ADCY2: variants seen among roughly 807,000 people sequenced by gnomAD.
ADCY2 encodes the protein adenylate cyclase 2.
In ADCY2, 31 loss-of-function variants were observed where a neutral mutation model predicts 125.2. That is an observed-to-expected ratio of 0.25 (90% confidence interval 0.19 to 0.33). ADCY2 has a LOEUF of 0.33. Among genes scored for constraint, ADCY2 ranks in the 10% least tolerant of loss-of-function variants. ADCY2 has a pLI of 1.00. For missense variants in ADCY2, 904 were observed against 1,418.2 expected (o/e 0.64, Z 5.82); for synonymous variants, 512 against 548.4 (o/e 0.93, Z 0.93).
chr5:7,624,602 T>C (rs1738063274), intron 3 of ADCY2, among the ~76,000 whole-genome samples: 3 of 152,132 alleles, frequency 2.0e-5, no homozygotes, highest in Admixed American at 1.3e-4. Context: ...CCTGCTCTCC[T>C]TGGGAGGACT....
rs997204818 is a variant in ADCY2, at chr5:7,815,053, T to G, written c.2884-1813T>G. Among the ~76,000 whole-genome samples the G allele has an allele frequency of 5.3e-5, 8 of 152,182 alleles. No individual in the cohort carries two copies. The East Asian group carries it at 1.5e-3, about 29-fold the overall frequency. ...CCCTCACCTGCTGTAGTGGGCACAT[T>G]CACGATCCTTCCTGGGTGCGTGCTT... On this transcript the variant is annotated intron_variant, in intron 22 of 24. Coordinates refer to ENST00000338316, the MANE Select transcript of ADCY2 (RefSeq NM_020546.3).
intron 3 of ADCY2, among the ~76,000 whole-genome samples, chr5:7,529,971 ACTGATC>A (rs1468141746): frequency 6.6e-6 from 1 of 152,192 alleles, no homozygotes; most frequent in African/African-American, 2.4e-5. Context: ...CCCTACAGGA[ACTGATC>A]CTGAGGGCAC....
chr5:7,450,866 G>A (rs1741446473), intron 2 of ADCY2, among the ~76,000 whole-genome samples: 1 of 152,152 alleles, frequency 6.6e-6, no homozygotes, highest in African/African-American at 2.4e-5. Flanking sequence ...AAGCCTAGAG[G>A]ACAGTGTATC....
intron 1 of ADCY2, among the ~76,000 whole-genome samples, chr5:7,406,785 A>G (rs1739504527): frequency 6.6e-6 from 1 of 152,312 alleles, no homozygotes; most frequent in East Asian, 1.9e-4. Context: ...TTTGAGGAAC[A>G]CAAATCTCTC....
chr5:7,529,487 C>T (rs567273199), intron 3 of ADCY2, among the ~76,000 whole-genome samples: 2 of 152,126 alleles, frequency 1.3e-5, no homozygotes, highest in Non-Finnish European at 2.9e-5. Flanking sequence ...TGAGAGATCC[C>T]AATGGCCAGA....
chr5:7,442,588 C>T (rs1401299304), intron 2 of ADCY2, among the ~76,000 whole-genome samples: 1 of 152,122 alleles, frequency 6.6e-6, no homozygotes, highest in Non-Finnish European at 1.5e-5. Flanking sequence ...AAACTGATGC[C>T]TCCACTGCTC....
intron 13 of ADCY2, among the ~76,000 whole-genome samples, chr5:7,725,910 T>C (rs144052858): frequency 1.4e-4 from 21 of 152,330 alleles, no homozygotes; most frequent in African/African-American, 5.1e-4. Context: ...CATGTACACA[T>C]ATTTGCAGAT....
rs77095548 is a variant in ADCY2 at position 7,734,366 on chromosome 5, G to A, written c.1871+7105G>A. Among the ~76,000 whole-genome samples, 441 of 152,248 alleles carry A rather than the reference G, an allele frequency of 2.9e-3. 20 individuals are homozygous for A. The East Asian group carries it at 0.077, about 26-fold the overall frequency. On this transcript the variant is annotated intron_variant, in intron 14 of 24. Transcript: ENST00000338316. Reference sequence around the variant, plus strand: ...AAATGTGTTTCTCACCCCTGTCAGGGCCACCTTTAAGCAATTCATTGACTG... The same window carrying A: ...AAATGTGTTTCTCACCCCTGTCAGGACCACCTTTAAGCAATTCATTGACTG...
chr5:7,462,871 C>A (rs1190224344), intron 2 of ADCY2, among the ~76,000 whole-genome samples: 1 of 152,112 alleles, frequency 6.6e-6, no homozygotes, highest in African/African-American at 2.4e-5. Context: ...AGGGTGGATT[C>A]CTTCTGAAAG....
At chr5:7,649,639 A>G (rs1739014233) in intron 4 of ADCY2, among the ~76,000 whole-genome samples, 1 of 152,134 alleles carries the variant, frequency 6.6e-6, no homozygotes, top group Non-Finnish European at 1.5e-5. Context: ...GTTCTCTGCC[A>G]TTTACCCTTA....
At position 7,489,542 on chromosome 5, in the gene ADCY2, T is replaced by TATAA. The variant is rs111730836; in HGVS notation, c.409-31193_409-31192insAATA. Among the ~76,000 whole-genome samples, 151 of 152,280 alleles carry TATAA rather than the reference T, an allele frequency of 9.9e-4. 1 individual carries two copies. Among genetic ancestry groups the TATAA allele is most frequent in the African/African-American group, 3.5e-3 (145 of 41,546 alleles). ...TGAGTCTCACAAGATCTGATAGTTT[T>TATAA]ATAGAGTTCCCCTGCACGAGCTCTC... is the stretch of plus-strand genomic sequence containing the variant. On this transcript the variant is annotated intron_variant, in intron 2 of 24. Coordinates refer to ENST00000338316, the MANE Select transcript of ADCY2 (RefSeq NM_020546.3).
At chr5:7,735,250 T>G (rs1044962463) in intron 14 of ADCY2, among the ~76,000 whole-genome samples, 57 of 151,542 alleles carry the variant, frequency 3.8e-4, no homozygotes, top group African/African-American at 1.3e-3. Context: ...TACTTTTCTA[T>G]ATGCAAGACC....
At chr5:7,763,832 C>A (rs1262927793) in intron 16 of ADCY2, among the ~76,000 whole-genome samples, 1 of 152,170 alleles carries the variant, frequency 6.6e-6, no homozygotes, top group Non-Finnish European at 1.5e-5. Context: ...TCTCTGTCAT[C>A]GCTTGCCATG....
chr5:7,566,582 T>G (rs896538053), intron 3 of ADCY2, among the ~76,000 whole-genome samples: 1 of 152,144 alleles, frequency 6.6e-6, no homozygotes, highest in African/African-American at 2.4e-5. Flanking sequence ...CTGTTTCTTC[T>G]TACTAAGTGT....
At chr5:7,668,510 G>A (rs1561156283) in intron 4 of ADCY2, among the ~76,000 whole-genome samples, 1 of 151,950 alleles carries the variant, frequency 6.6e-6, no homozygotes, top group African/African-American at 2.4e-5. Flanking sequence ...AATACACATG[G>A]GTACTTCAGA....
intron 3 of ADCY2, among the ~76,000 whole-genome samples, chr5:7,551,592 A>T (rs1018882172): frequency 6.6e-6 from 1 of 152,210 alleles, no homozygotes; most frequent in Admixed American, 6.5e-5. Flanking sequence ...TATTCCAAAT[A>T]TTTAGGAAAG....
intron 2 of ADCY2, among the ~76,000 whole-genome samples, chr5:7,434,197 A>C (rs1345469077): frequency 6.6e-6 from 1 of 152,230 alleles, no homozygotes; most frequent in Admixed American, 6.5e-5. Flanking sequence ...ACACGCATGC[A>C]TGGGACTCCT....
chr5:7,761,277 G>A (rs1362056148), intron 16 of ADCY2, among the ~76,000 whole-genome samples: 1 of 145,856 alleles, frequency 6.9e-6, no homozygotes, highest in East Asian at 2.1e-4. Flanking sequence ...AGCCCCCTGA[G>A]TAGCTGGGAT....
chr5:7,742,129 A>C (rs151071895), intron 14 of ADCY2, among the ~76,000 whole-genome samples: 12 of 67,366 alleles, frequency 1.8e-4, no homozygotes, highest in East Asian at 6.2e-4. Flanking sequence ...CATAGTGCCC[A>C]AAAAAAAAAA....
Sources: gnomAD v4.1 joint callset for allele counts (sites outside exome capture counted in the v4.1 genomes callset) on GRCh38, gnomAD v4.1.1 for gene constraint, MANE v1.5 for transcripts, NCBI Gene and HGNC (gene_info 2026-07-23, HGNC 2026-07-21) for gene names.